The following CEP72 variants were observed in gnomAD, a reference collection of about 807,000 sequenced individuals.
The protein encoded by CEP72 is centrosomal protein of 72 kDa.
Under a neutral mutation model 65.7 loss-of-function variants are expected in CEP72, and 78 were observed. That is an observed-to-expected ratio of 1.19 (90% CI 0.99 to 1.43). The LOEUF (loss-of-function observed/expected upper bound fraction) is 1.43, where lower values mean the gene tolerates loss of function less well. Among genes scored for constraint, CEP72 ranks in the 40% most tolerant of loss-of-function variants. CEP72 has a pLI of 0.00. For missense variants in CEP72, 914 were observed against 832.9 expected (o/e 1.10, Z -1.20); for synonymous variants, 358 against 351.7 (o/e 1.02, Z -0.20).
At chr5:620,827 A>AGGGGGCATCCTGT (rs1736341523) in intron 3 of CEP72, among the ~76,000 whole-genome samples, 1 of 152,226 alleles carries the variant, frequency 6.6e-6, no homozygotes, top group African/African-American at 2.4e-5. Flanking sequence ...AGCGATGCCC[A>AGGGGGCATCCTGT]GTAGGGAGGG....
chr5:642,269 G>C, intron 9 of CEP72: 1 of 984,698 alleles, frequency 1.0e-6, no homozygotes, highest in Non-Finnish European at 1.2e-6. Context: ...AACCAACGTG[G>C]CCCCTCCTCT....
At chr5:635,319 A>G in intron 5 of CEP72, 53 bp from the exon 6 acceptor site, 1 of 1,354,128 alleles carries the variant, frequency 7.4e-7, no homozygotes, top group Non-Finnish European at 1.0e-6. Context: ...TTTTTGATGG[A>G]ATAAAACTTT....
Position 653,260 on chromosome 5 carries a change from C to A in CEP72, c.*107C>A. The A allele has an allele frequency of 8.8e-7, 1 of 1,133,010 alleles. No homozygotes were observed. Among genetic ancestry groups the A allele is most frequent in the Non-Finnish European group, 1.2e-6 (1 of 840,818 alleles). The allele number at this position is 1,133,010 out of a possible 1,614,324, so 70.2% of individuals were successfully genotyped here. Reference sequence around the variant, plus strand: ...TACTGGCTGGCAAGAGTTCTCTCTTCTGTTGGTAATTATTTAGGATTTTTG... The same window carrying A: ...TACTGGCTGGCAAGAGTTCTCTCTTATGTTGGTAATTATTTAGGATTTTTG... On this transcript the variant is annotated 3_prime_UTR_variant, in exon 12 of 12. Coordinates refer to ENST00000264935, the MANE Select transcript of CEP72 (RefSeq NM_018140.4).
rs1225416295 is a variant in CEP72, at chr5:653,020, A to G, written c.1811A>G (p.Gln604Arg). 1.2e-6 allele frequency: 2 copies of G among 1,613,300 alleles called. No individual in the cohort carries two copies. The highest frequency in any genetic ancestry group is 2.2e-5 in the East Asian group (1 of 44,854). Residue 604 changes from glutamine to arginine, a missense_variant, in exon 12 of 12, where the codon CAG becomes CGG. By Grantham distance (43) the Gln-to-Arg change is conservative. Transcript: ENST00000264935. ...SLVSTNEHLL[Q>R]ELSQVRAQHR... Reference sequence around the variant, plus strand: ...GTCAGCACCAATGAACACCTGCTGCAGGAGCTGAGCCAGGTGCGGGCGCAG... The same window carrying G: ...GTCAGCACCAATGAACACCTGCTGCGGGAGCTGAGCCAGGTGCGGGCGCAG...
chr5:639,875 C>T (rs1737886111), intron 8 of CEP72, among the ~76,000 whole-genome samples: 2 of 152,238 alleles, frequency 1.3e-5, no homozygotes, highest in African/African-American at 4.8e-5. Context: ...TCTGAGCTGT[C>T]TGACTGCGCC....
chr5:649,716 G>T lies in CEP72; in HGVS notation c.1778+1800G>T, dbSNP rs1738807210. 2.5e-5 allele frequency among the ~76,000 whole-genome samples: 2 copies of T among 81,042 alleles called. 1 individual carries two copies. Among genetic ancestry groups the T allele is most frequent in the Non-Finnish European group, 4.8e-5 (2 of 41,334 alleles). The allele number at this position is 81,042 out of a possible 152,430, so 53.2% of individuals were successfully genotyped here. A position where few individuals can be genotyped will look rare whatever the true frequency, so the allele number is the denominator to read the frequency against. ...GACTGTGAGGCGTGGACTGTGAGGG[G>T]TGACCGTGAGGCGTGGACTGTGAGG... is the stretch of plus-strand genomic sequence containing the variant. On this transcript the variant is annotated intron_variant, in intron 11 of 11. Transcript: ENST00000264935.
At chr5:675,332 AGTGTGGCTGGGGGT>A in the CEP72 span, among the ~76,000 whole-genome samples, 1 of 36,624 alleles carries the variant, frequency 2.7e-5, no homozygotes, top group Admixed American at 4.2e-4. Context: ...CCGGGGGTGC[AGTGTGGCTGGGGGT>A]GCAGTGTGGG....
In CEP72 at chr5:628,498, T is replaced by C. The variant is rs1277433185; in HGVS notation, c.512+3919T>C. 6.2e-4 allele frequency among the ~76,000 whole-genome samples: 92 copies of C among 149,212 alleles called. 1 individual carries two copies. Among genetic ancestry groups the C allele is most frequent in the African/African-American group, 2.2e-3 (88 of 40,188 alleles). ...AACTCAGGTTGCCGTCCCTGGGGAG[T>C]GTTCCCAGGACCCAGCCCCCTTCTT... On this transcript the variant is annotated intron_variant, in intron 4 of 11. Transcript: ENST00000264935.
intron 1 of CEP72, among the ~76,000 whole-genome samples, chr5:615,497 G>GGAA (rs1735936435): frequency 6.6e-6 from 1 of 152,050 alleles, no homozygotes; most frequent in Non-Finnish European, 1.5e-5. Flanking sequence ...TATTACTGTT[G>GGAA]TTACGGTAGC....
At chr5:651,844 C>T (rs1439612377) in intron 11 of CEP72, among the ~76,000 whole-genome samples, 1 of 151,200 alleles carries the variant, frequency 6.6e-6, no homozygotes, top group East Asian at 2.0e-4. Context: ...TTCCCTCTTC[C>T]TTTCCCCCGA....
At chr5:674,851 T>A in the CEP72 span, among the ~76,000 whole-genome samples, 31 of 150,704 alleles carry the variant, frequency 2.1e-4, no homozygotes, top group East Asian at 6.1e-3. Context: ...ATGTGGGAGC[T>A]CCAGCGAGCC....
chr5:618,541 C>T (rs760673939), intron 1 of CEP72, among the ~76,000 whole-genome samples: 2 of 152,122 alleles, frequency 1.3e-5, no homozygotes, highest in Non-Finnish European at 2.9e-5. Flanking sequence ...GGGCCTGGGG[C>T]CACTGCGCTG....
chr5:636,181 C>T (rs1241500083), intron 6 of CEP72, among the ~76,000 whole-genome samples: 1 of 152,248 alleles, frequency 6.6e-6, no homozygotes, highest in Non-Finnish European at 1.5e-5. Context: ...ATATTTTTCA[C>T]ATCGTTTGCT....
intron 3 of CEP72, among the ~76,000 whole-genome samples, chr5:622,258 A>G (rs1303941936): frequency 6.6e-6 from 1 of 152,208 alleles, no homozygotes; most frequent in Non-Finnish European, 1.5e-5. Context: ...CAGTTTGACC[A>G]TTTTTCAGTA....
At chr5:651,642 G>T (rs932032528) in intron 11 of CEP72, among the ~76,000 whole-genome samples, 1 of 152,022 alleles carries the variant, frequency 6.6e-6, no homozygotes, top group African/African-American at 2.4e-5. Flanking sequence ...ATCTTAGTTT[G>T]TCTTTTAAGA....
intron 8 of CEP72, among the ~76,000 whole-genome samples, 173 bp downstream of exon 8, chr5:639,397 A>G (rs1485682452): frequency 1.3e-5 from 2 of 151,982 alleles, no homozygotes; most frequent in African/African-American, 2.4e-5. Flanking sequence ...TGCATCTCAC[A>G]GTGTCCAGGG....
chr5:659,140 T>A (rs1349302607), downstream of CEP72, among the ~76,000 whole-genome samples: 1 of 152,378 alleles, frequency 6.6e-6, no homozygotes, highest in South Asian at 2.1e-4. Flanking sequence ...TTCTGTCCCA[T>A]GCTTATGGCA....
At chr5:640,708 G>A in intron 9 of CEP72, 104 bp downstream of exon 9, 1 of 1,459,288 alleles carries the variant, frequency 6.9e-7, no homozygotes, top group Non-Finnish European at 9.0e-7. Context: ...TGTCCCAACT[G>A]CCATCTCTGC....
At position 637,968 on chromosome 5, in the gene CEP72, T is replaced by C. The variant is rs1737732828; in HGVS notation, c.1206+150T>C. Reference sequence around the variant, plus strand: ...GTTACGGCGGTGCCGTGATTACGCCTACGGCACTGACCGTGTCCCTCCCTG... The same window carrying C: ...GTTACGGCGGTGCCGTGATTACGCCCACGGCACTGACCGTGTCCCTCCCTG... On this transcript the variant is annotated intron_variant, in intron 7 of 11. Transcript: ENST00000264935. The C allele has an allele frequency of 7.6e-6, 6 of 787,086 alleles. No homozygotes were observed. In the Admixed American group the frequency reaches 1.8e-4, roughly 23 times the overall value. The allele number at this position is 787,086 out of a possible 1,614,324, so 48.8% of individuals were successfully genotyped here.
Sources: gnomAD v4.1 joint callset for allele counts (sites outside exome capture counted in the v4.1 genomes callset) on GRCh38, gnomAD v4.1.1 for gene constraint, MANE v1.5 for transcripts, NCBI Gene and HGNC (gene_info 2026-07-23, HGNC 2026-07-21) for gene names.